The following ODAD2 variants were observed in gnomAD, a reference collection of about 807,000 sequenced individuals.
ODAD2 encodes outer dynein arm docking complex subunit 2.
In ODAD2, 89 loss-of-function variants were observed where a neutral mutation model predicts 106.8. That is an observed-to-expected ratio of 0.83 (90% CI 0.70 to 0.99). The LOEUF (loss-of-function observed/expected upper bound fraction) is 0.99. Ranked by LOEUF, ODAD2 falls within the 50% of genes least tolerant of loss-of-function variation. The probability of loss-of-function intolerance (pLI) is 0.00; values close to 1 mark genes in which losing one functional copy is unlikely to be tolerated. For synonymous variants in ODAD2, 404 were observed against 436.2 expected (o/e 0.93, Z 0.92); for missense variants, 1,168 against 1,238.5 (o/e 0.94, Z 0.85).
intron 1 of ODAD2, among the ~76,000 whole-genome samples, chr10:27,995,964 C>T (rs1374481818): frequency 6.6e-6 from 1 of 152,102 alleles, no homozygotes; most frequent in Non-Finnish European, 1.5e-5. Flanking sequence ...AATTAGTTAT[C>T]AGAAGAGTCT....
At chr10:27,860,514 C>A in intron 19 of ODAD2, 111 bp downstream of exon 19, 3 of 943,794 alleles carry the variant, frequency 3.2e-6, no homozygotes, top group Non-Finnish European at 4.8e-6. Flanking sequence ...AGCAGGCAGG[C>A]ACTTTTGTGT....
At chr10:27,901,816 T>A (rs2368273) in intron 17 of ODAD2, among the ~76,000 whole-genome samples, 67,517 of 151,914 alleles carry the variant, frequency 0.44, 16,721 homozygotes, top group Middle Eastern at 0.6. Flanking sequence ...ATAAAACAAT[T>A]CTTGGAGACC....
At chr10:27,869,090 G>C (rs1840665695) in intron 17 of ODAD2, among the ~76,000 whole-genome samples, 1 of 151,866 alleles carries the variant, frequency 6.6e-6, no homozygotes, top group African/African-American at 2.4e-5. Flanking sequence ...CTTTTTAAAA[G>C]ACAGATGAAA....
Position 27,940,697 on chromosome 10 carries a change from A to C in ODAD2, c.1852T>G (p.Cys618Gly). The change falls in exon 13 of 20, where the codon TGC becomes GGC. Residue 618 changes from cysteine (C) to glycine (G), a missense_variant. Coordinates refer to ENST00000305242, the MANE Select transcript of ODAD2 (RefSeq NM_018076.5). ...TCTTTATTCGTATGACTCTTACTGC[A>C]GCTCCACAGGGCCAGTGCCCCACAG... is the stretch of plus-strand genomic sequence containing the variant. ...ARCGALALWS[C>G]SKSHTNKEAI... is the part of the protein sequence containing the mutation. 1 of 1,614,146 alleles carries C rather than the reference A, an allele frequency of 6.2e-7. No homozygotes were observed. The highest frequency in any genetic ancestry group is 8.5e-7 in the Non-Finnish European group (1 of 1,179,998).
chr10:27,926,004 TAAAAA>T (rs34649733), intron 16 of ODAD2, among the ~76,000 whole-genome samples: 2 of 102,970 alleles, frequency 1.9e-5, no homozygotes, highest in African/African-American at 3.6e-5. Flanking sequence ...AGACTCCAGC[TAAAAA>T]AAAAAAAAAA....
rs531491442 is a variant in ODAD2 at position 27,833,966 on chromosome 10, A to G, written c.3022-21341T>C. Among the ~76,000 whole-genome samples the G allele has an allele frequency of 6.6e-5, 10 of 152,330 alleles. No homozygotes were observed. In the East Asian group the frequency reaches 1.9e-3, roughly 29 times the overall value. On this transcript the variant is annotated intron_variant, in intron 19 of 19. Coordinates refer to ENST00000305242, the MANE Select transcript of ODAD2 (RefSeq NM_018076.5). Reference sequence around the variant, plus strand: ...TCCAAGCCGAGAAAGGACAGCGGTGAAGGTTCCACATGGCGCCACCTTACA... The same window carrying G: ...TCCAAGCCGAGAAAGGACAGCGGTGGAGGTTCCACATGGCGCCACCTTACA...
At chr10:27,869,287 ACATGTATGTAAGAGTCCC>A (rs1246327592) in intron 17 of ODAD2, among the ~76,000 whole-genome samples, 1 of 152,060 alleles carries the variant, frequency 6.6e-6, no homozygotes, top group Non-Finnish European at 1.5e-5. Context: ...AAGATCTAAC[ACATGTATGTAAGAGTCCC>A]CAAGAAAGAA....
chr10:27,938,775 T>C (rs1179700699), intron 14 of ODAD2, among the ~76,000 whole-genome samples: 1 of 152,004 alleles, frequency 6.6e-6, no homozygotes, highest in Non-Finnish European at 1.5e-5. Flanking sequence ...ATTTTTTGTA[T>C]TTTTAGTAGA....
intron 19 of ODAD2, among the ~76,000 whole-genome samples, chr10:27,838,754 T>A (rs1366622173): frequency 6.6e-6 from 1 of 151,236 alleles, no homozygotes; most frequent in Non-Finnish European, 1.5e-5. Context: ...ATATACTTTA[T>A]TTTACCATAC....
chr10:27,852,323 A>G (rs1046136675), intron 19 of ODAD2, among the ~76,000 whole-genome samples: 4 of 152,242 alleles, frequency 2.6e-5, no homozygotes, highest in African/African-American at 9.6e-5. Flanking sequence ...ACAATTGTTT[A>G]CAGTCAAAAA....
chr10:27,966,661 A>C (rs956022810), intron 9 of ODAD2, among the ~76,000 whole-genome samples: 12 of 152,330 alleles, frequency 7.9e-5, no homozygotes, highest in African/African-American at 2.9e-4. Flanking sequence ...AATTCTATCC[A>C]CTTAGGCAAG....
At chr10:27,939,756 T>C (rs979299220) in intron 14 of ODAD2, 141 bp downstream of exon 14, 1 of 474,612 alleles carries the variant, frequency 2.1e-6, no homozygotes, top group Admixed American at 4.2e-5. Context: ...TAAAAATAAA[T>C]TAAAACTTAA....
intron 17 of ODAD2, among the ~76,000 whole-genome samples, chr10:27,878,945 CT>C (rs1411205928): frequency 1.3e-5 from 2 of 152,126 alleles, no homozygotes; most frequent in African/African-American, 2.4e-5. Flanking sequence ...AATTATTACC[CT>C]TGTCCTTGTG....
chr10:27,987,210 T>C (rs1249282053), intron 3 of ODAD2, among the ~76,000 whole-genome samples, 176 bp downstream of exon 3: 1 of 152,208 alleles, frequency 6.6e-6, no homozygotes, highest in Admixed American at 6.5e-5. Context: ...GAGCATAATA[T>C]TGCAGCCAAG....
At chr10:27,953,236 T>C (rs760377894) in intron 10 of ODAD2, among the ~76,000 whole-genome samples, 4 of 152,222 alleles carry the variant, frequency 2.6e-5, no homozygotes, top group Non-Finnish European at 4.4e-5. Flanking sequence ...ATAGGTATTA[T>C]GTTGTACAGC....
chr10:27,915,594 G>A (rs1564499636), intron 16 of ODAD2, among the ~76,000 whole-genome samples: 1 of 152,084 alleles, frequency 6.6e-6, no homozygotes, highest in African/African-American at 2.4e-5. Context: ...AGTAGGTATG[G>A]GGAATTATGA....
At chr10:27,918,035 A>G (rs1006742241) in intron 16 of ODAD2, among the ~76,000 whole-genome samples, 1 of 151,934 alleles carries the variant, frequency 6.6e-6, no homozygotes, top group Non-Finnish European at 1.5e-5. Context: ...AAAACCAATT[A>G]AAAAGGAATC....
At chr10:27,891,185 A>T in intron 17 of ODAD2, among the ~76,000 whole-genome samples, 1 of 152,122 alleles carries the variant, frequency 6.6e-6, no homozygotes, top group Non-Finnish European at 1.5e-5. Context: ...GTTCTGTCAC[A>T]CCTGTGGTCA....
At chr10:27,904,350 A>T in intron 17 of ODAD2, 1 of 270,634 alleles carries the variant, frequency 3.7e-6, no homozygotes, top group Non-Finnish European at 7.6e-6. Context: ...GCAGAGCGGG[A>T]ATCTTGGGCT....
Sources: allele counts gnomAD v4.1 joint callset (sites outside exome capture counted in the v4.1 genomes callset), GRCh38; gene constraint gnomAD v4.1.1; transcripts MANE v1.5; gene names NCBI Gene and HGNC (gene_info 2026-07-23, HGNC 2026-07-21).